EPC1: variants seen among roughly 807,000 people sequenced by gnomAD.
The protein encoded by EPC1 is enhancer of polycomb homolog 1.
Under a neutral mutation model 98.4 loss-of-function variants are expected in EPC1, and 12 were observed. The observed-to-expected ratio is 0.12, with a 90% CI of 0.08 to 0.20. The LOEUF (loss-of-function observed/expected upper bound fraction) is 0.20. Among genes scored for constraint, EPC1 ranks in the 10% least tolerant of loss-of-function variants. EPC1 has a pLI of 1.00. For missense variants in EPC1, 729 were observed against 990.5 expected, an observed-to-expected ratio of 0.74 and a Z score of 3.54; for synonymous variants, 357 against 363.9, an observed-to-expected ratio of 0.98 and a Z score of 0.21.
At chr10:32,293,363 A>G (rs1834960554) in intron 3 of EPC1, among the ~76,000 whole-genome samples, 169 bp from the exon 4 acceptor site, 1 of 152,180 alleles carries the variant, frequency 6.6e-6, no homozygotes, top group Non-Finnish European at 1.5e-5. Context: ...CTTTATATAC[A>G]TTATTTCATC....
At chr10:32,276,178 T>C (rs532046853) in intron 10 of EPC1, among the ~76,000 whole-genome samples, 1 of 152,296 alleles carries the variant, frequency 6.6e-6, no homozygotes, top group South Asian at 2.1e-4. Flanking sequence ...TGAGTATTCC[T>C]GAGAAAGTAA....
chr10:32,335,893 C>T (rs536405251), intron 1 of EPC1, among the ~76,000 whole-genome samples: 142 of 152,240 alleles, frequency 9.3e-4, no homozygotes, highest in African/African-American at 3.3e-3. Context: ...CCACCACCCT[C>T]CCGACTTGGT....
chr10:32,372,221 T>C (rs1238857533), intron 1 of EPC1, among the ~76,000 whole-genome samples: 1 of 152,088 alleles, frequency 6.6e-6, no homozygotes, highest in Non-Finnish European at 1.5e-5. Flanking sequence ...ACTCTTGTGG[T>C]GGGGGCCTGG....
At chr10:32,279,699 T>C (rs564901413) in intron 10 of EPC1, among the ~76,000 whole-genome samples, 5 of 152,174 alleles carry the variant, frequency 3.3e-5, no homozygotes, top group Non-Finnish European at 7.4e-5. Flanking sequence ...AATCACTTTG[T>C]TTCCAGTCTT....
chr10:32,338,927 G>C (rs1218121941), intron 1 of EPC1, among the ~76,000 whole-genome samples: 3 of 142,252 alleles, frequency 2.1e-5, no homozygotes, highest in Admixed American at 7.3e-5. Flanking sequence ...AACAGAGGGA[G>C]ACCTTGTCTC....
intron 1 of EPC1, among the ~76,000 whole-genome samples, chr10:32,354,432 C>T (rs1031558236): frequency 2.6e-5 from 4 of 151,544 alleles, no homozygotes; most frequent in South Asian, 2.1e-4. Flanking sequence ...CCAGCCTGGG[C>T]GACAGAGTGA....
At chr10:32,274,852 C>A (rs1305477220) in intron 10 of EPC1, among the ~76,000 whole-genome samples, 1 of 151,832 alleles carries the variant, frequency 6.6e-6, no homozygotes, top group Non-Finnish European at 1.5e-5. Flanking sequence ...TCAATGCTGC[C>A]CTCAAATAAT....
At chr10:32,273,059 T>C (rs754815789) in intron 11 of EPC1, 104 bp downstream of exon 11, 2 of 1,614,190 alleles carry the variant, frequency 1.2e-6, no homozygotes, top group Non-Finnish European at 1.7e-6. Flanking sequence ...GAAAGCCACT[T>C]TTCTGCTGGT....
chr10:32,291,615 T>C lies in EPC1; in HGVS notation c.816-293A>G, dbSNP rs117484789. The C allele has an allele frequency of 5.1e-3, 896 of 174,716 alleles. 18 individuals are homozygous for C. The highest frequency in any genetic ancestry group is 0.044 in the East Asian group (316 of 7,106). The allele number at this position is 174,716 out of a possible 1,614,324, so 10.8% of individuals were successfully genotyped here. ...TTTGACCAACATATAAAATATATAA[T>C]TTTTATTTGTCAATTATACCTAAAT... On this transcript the variant is annotated intron_variant, in intron 5 of 13. Coordinates refer to ENST00000319778, the MANE Select transcript of EPC1 (RefSeq NM_001272004.3).
At chr10:32,375,403 C>T (rs951076014) in intron 1 of EPC1, among the ~76,000 whole-genome samples, 1 of 152,020 alleles carries the variant, frequency 6.6e-6, no homozygotes, top group African/African-American at 2.4e-5. Context: ...TTTGGCTAAC[C>T]TGAAACTTCC....
rs1367486906 is a variant in EPC1 at position 32,268,884 on chromosome 10, T to G, written c.*179A>C. On this transcript the variant is annotated 3_prime_UTR_variant, in exon 14 of 14. Transcript: ENST00000319778. ...GTATTCTTAATTTACAGATGTTGAT[T>G]TTTTTCCTATTAACAGTAAGAAAAG... 1.8e-6 allele frequency: 1 copy of G among 565,342 alleles called. No homozygotes were observed. The highest frequency in any genetic ancestry group is 2.9e-5 in the East Asian group (1 of 33,990). 35.0% of individuals were successfully genotyped at this position (565,342 alleles called of 1,614,324 possible).
chr10:32,296,963 T>C, intron 2 of EPC1, among the ~76,000 whole-genome samples: 1 of 151,510 alleles, frequency 6.6e-6, no homozygotes, highest in East Asian at 1.9e-4. Context: ...ATATATAGAA[T>C]ACCAAAACCC....
chr10:32,343,447 G>A (rs1323864315), intron 1 of EPC1, among the ~76,000 whole-genome samples: 1 of 152,172 alleles, frequency 6.6e-6, no homozygotes, highest in African/African-American at 2.4e-5. Context: ...CTGACCTCAG[G>A]TGATCCACCC....
chr10:32,272,397 A>C (rs1006749195), intron 11 of EPC1: 5 of 461,322 alleles, frequency 1.1e-5, no homozygotes. Context: ...ATATGTGACA[A>C]TATATAATAT....
rs565860087 is a variant in EPC1, at chr10:32,302,672, G to C, written c.313+3100C>G. ...CTCAAAAAAAAAAAAAAAGGAGGGT[G>C]GGGGAGCGGCGCAAAAGACATGCAC... On this transcript the variant is annotated intron_variant, in intron 2 of 13. Transcript: ENST00000319778. Among the ~76,000 whole-genome samples the C allele has an allele frequency of 1.5e-3, 225 of 150,362 alleles. 2 individuals are homozygous for C. The highest frequency in any genetic ancestry group is 5.3e-3 in the African/African-American group (217 of 40,998).
intron 10 of EPC1, among the ~76,000 whole-genome samples, chr10:32,278,213 G>C (rs181645553): frequency 1.2e-3 from 179 of 149,222 alleles, no homozygotes; most frequent in African/African-American, 3.7e-3. Context: ...GCTAATTTTT[G>C]TATTTTTAGT....
At chr10:32,345,190 G>GATAC in intron 1 of EPC1, 4 of 984,548 alleles carry the variant, frequency 4.1e-6, no homozygotes, top group Non-Finnish European at 4.8e-6. Context: ...CTCTAAAGTT[G>GATAC]ATACAAGTAA....
At chr10:32,340,727 G>C (rs940943365) in intron 1 of EPC1, among the ~76,000 whole-genome samples, 42 of 152,282 alleles carry the variant, frequency 2.8e-4, no homozygotes, top group African/African-American at 9.1e-4. Flanking sequence ...GTAAGGCTGA[G>C]GTGAGAGGAC....
intron 1 of EPC1, among the ~76,000 whole-genome samples, chr10:32,322,061 A>G (rs1836959409): frequency 6.8e-6 from 1 of 147,226 alleles, no homozygotes; most frequent in Admixed American, 6.9e-5. Flanking sequence ...AACTGCTGCT[A>G]ATGTCCAGGC....
Sources: gnomAD v4.1 joint callset for allele counts (sites outside exome capture counted in the v4.1 genomes callset) on GRCh38, gnomAD v4.1.1 for gene constraint, MANE v1.5 for transcripts, NCBI Gene and HGNC (gene_info 2026-07-23, HGNC 2026-07-21) for gene names.